Variants in ZNF536 observed in about 807,000 individuals in gnomAD.
ZNF536 encodes zinc finger protein 536.
ZNF536 carries 13 observed loss-of-function variants against 84.5 expected under a neutral mutation model. That is an observed-to-expected ratio of 0.15 (90% CI 0.10 to 0.24). ZNF536 has a LOEUF of 0.24. Ranked by LOEUF, ZNF536 falls within the 10% of genes least tolerant of loss-of-function variation. ZNF536 has a pLI of 1.00. For synonymous variants in ZNF536, 811 were observed against 742.5 expected, an observed-to-expected ratio of 1.09 and a Z score of -1.50; for missense variants, 1,536 against 1,747.5, an observed-to-expected ratio of 0.88 and a Z score of 2.16.
At chr19:30,478,692 A>G (rs2053952481) in intron 2 of ZNF536, among the ~76,000 whole-genome samples, 1 of 152,158 alleles carries the variant, frequency 6.6e-6, no homozygotes, top group African/African-American at 2.4e-5. Flanking sequence ...TCTTTTTAAT[A>G]TTGCCCTGAA....
intron 1 of ZNF536, among the ~76,000 whole-genome samples, chr19:30,584,270 T>C (rs528217361): frequency 6.6e-6 from 1 of 152,278 alleles, no homozygotes; most frequent in East Asian, 1.9e-4. Context: ...TCCTCTCCCC[T>C]GCTCCTTGTG....
At chr19:30,646,166 C>T (rs2049460579) in intron 1 of ZNF536, among the ~76,000 whole-genome samples, 1 of 152,196 alleles carries the variant, frequency 6.6e-6, no homozygotes, top group Non-Finnish European at 1.5e-5. Context: ...CACGATTCCT[C>T]TCCCCTCTGC....
At chr19:30,609,375 G>A (rs1439471414) in intron 1 of ZNF536, among the ~76,000 whole-genome samples, 1 of 152,158 alleles carries the variant, frequency 6.6e-6, no homozygotes, top group East Asian at 1.9e-4. Flanking sequence ...CTTTTTTGAG[G>A]TTAGTTATAA....
chr19:30,405,667 C>A (rs553180630), intron 1 of ZNF536, among the ~76,000 whole-genome samples: 182 of 152,250 alleles, frequency 1.2e-3, no homozygotes, highest in African/African-American at 4.2e-3. Context: ...TTTTCAGAAC[C>A]GGTGTGATCA....
chr19:30,442,227 G>A lies in ZNF536; in HGVS notation c.-2-1334G>A, dbSNP rs377671544. Among the ~76,000 whole-genome samples the A allele has an allele frequency of 2.0e-3, 302 of 152,334 alleles. 5 individuals are homozygous for A. The South Asian group carries it at 0.02, about 10-fold the overall frequency. On this transcript the variant is annotated intron_variant, in intron 1 of 4. Coordinates refer to ENST00000355537, the MANE Select transcript of ZNF536 (RefSeq NM_014717.3). ...TGCCTTGCAAAGCTGAGCTCCCCAC[G>A]TGCTCCAATGTGGAAGGGGCTGTTT...
At chr19:30,580,902 A>G (rs2146667189) in intron 1 of ZNF536, among the ~76,000 whole-genome samples, 1 of 152,274 alleles carries the variant, frequency 6.6e-6, no homozygotes, top group South Asian at 2.1e-4. Flanking sequence ...CAGGAAGTGG[A>G]CAGCTGTGAC....
At chr19:30,614,594 G>C (rs899680059) in intron 1 of ZNF536, among the ~76,000 whole-genome samples, 3 of 151,902 alleles carry the variant, frequency 2.0e-5, no homozygotes, top group Non-Finnish European at 4.4e-5. Flanking sequence ...TTAATTATGA[G>C]TGACATTGAA....
intron 2 of ZNF536, among the ~76,000 whole-genome samples, chr19:30,512,874 G>T (rs2055473643): frequency 6.6e-6 from 1 of 152,192 alleles, no homozygotes; most frequent in African/African-American, 2.4e-5. Context: ...TGATTAACTT[G>T]CATGAACCAG....
intron 1 of ZNF536, among the ~76,000 whole-genome samples, chr19:30,617,333 CTTTT>C (rs556835599): frequency 2.9e-4 from 11 of 37,710 alleles, no homozygotes; most frequent in East Asian, 2.7e-3. Context: ...GAATAGCTTA[CTTTT>C]TTTTTTTTTT....
intron 1 of ZNF536, among the ~76,000 whole-genome samples, chr19:30,404,044 T>G (rs1488100277): frequency 2.1e-5 from 3 of 143,862 alleles, no homozygotes; most frequent in Non-Finnish European, 4.5e-5. Flanking sequence ...TTTTTTCTGC[T>G]GTTCATTTAG....
chr19:30,404,222 C>G (rs549981146), intron 1 of ZNF536, among the ~76,000 whole-genome samples: 3 of 152,252 alleles, frequency 2.0e-5, no homozygotes, highest in Non-Finnish European at 2.9e-5. Flanking sequence ...GGCCATCCTG[C>G]CTTCAAGAGG....
intron 1 of ZNF536, among the ~76,000 whole-genome samples, chr19:30,404,884 G>A (rs755929267): frequency 9.2e-5 from 14 of 152,174 alleles, no homozygotes; most frequent in Admixed American, 1.3e-4. Flanking sequence ...CAGGCCTCAC[G>A]AACTTCTGAC....
chr19:30,443,808 G>T lies in ZNF536; in HGVS notation c.246G>T (p.Ala82=), dbSNP rs527453543. ...MSGQPMGSQM[A]LLANQLGREV... is the part of the protein sequence containing the mutation. ...GCCAGCCCATGGGCAGTCAGATGGC[G>T]CTCCTGGCCAACCAGCTGGGCCGGG... Residue 82 remains alanine, a synonymous_variant, in exon 2 of 5, where the codon GCG becomes GCT. Transcript: ENST00000355537. 1.9e-6 allele frequency: 3 copies of T among 1,613,130 alleles called. No individual in the cohort carries two copies. The highest frequency in any genetic ancestry group is 2.2e-5 in the East Asian group (1 of 44,872).
chr19:30,678,235 T>A (rs2050829047), intron 1 of ZNF536, among the ~76,000 whole-genome samples: 1 of 152,114 alleles, frequency 6.6e-6, no homozygotes, highest in South Asian at 2.1e-4. Context: ...TGGGCCGGGT[T>A]ATGGCCGCTG....
intron 1 of ZNF536, among the ~76,000 whole-genome samples, chr19:30,279,949 A>G (rs150420723): frequency 3.2e-4 from 49 of 152,324 alleles, no homozygotes; most frequent in African/African-American, 1.1e-3. Flanking sequence ...ATGCCTCCGC[A>G]GACAGCCCCT....
At chr19:30,369,600 A>G (rs1171914658), upstream of ZNF536, among the ~76,000 whole-genome samples, 1 of 152,210 alleles carries the variant, frequency 6.6e-6, no homozygotes, top group Non-Finnish European at 1.5e-5. Flanking sequence ...AAAAGACAAA[A>G]TTCTTCCACA....
chr19:30,374,690 G>GTT (rs11368673), intron 1 of ZNF536, among the ~76,000 whole-genome samples: 76 of 150,286 alleles, frequency 5.1e-4, no homozygotes, highest in African/African-American at 1.2e-3. Context: ...ACTGAGTGTT[G>GTT]TTTTTTTTTC....
At chr19:30,253,938 C>T (rs1475446750) in intron 1 of ZNF536, among the ~76,000 whole-genome samples, 2 of 151,452 alleles carry the variant, frequency 1.3e-5, no homozygotes, top group African/African-American at 4.9e-5. Flanking sequence ...TTTTTTTTTC[C>T]CCTTCCAAAA....
chr19:30,508,861 T>G (rs2055287122), intron 2 of ZNF536, among the ~76,000 whole-genome samples: 1 of 139,514 alleles, frequency 7.2e-6, no homozygotes, highest in Admixed American at 7.3e-5. Context: ...AGGGTCTTGC[T>G]CTGTCACCCA....
Sources: allele counts gnomAD v4.1 joint callset (sites outside exome capture counted in the v4.1 genomes callset), GRCh38; gene constraint gnomAD v4.1.1; transcripts MANE v1.5; gene names NCBI Gene and HGNC (gene_info 2026-07-23, HGNC 2026-07-21).